Variants in MSRA observed in about 807,000 individuals in gnomAD.
MSRA encodes mitochondrial peptide methionine sulfoxide reductase.
In MSRA, 54 loss-of-function variants were observed where a neutral mutation model predicts 31.3. The ratio of observed to expected loss-of-function variants is 1.73; its 90% CI spans 1.39 to 2.17. MSRA has a LOEUF of 2.17. MSRA is among the 30% of genes most tolerant of loss of function. MSRA has a pLI of 0.00. For synonymous variants in MSRA, 169 were observed against 116.5 expected (o/e 1.45, Z -2.90); for missense variants, 507 against 300.9 (o/e 1.69, Z -5.07).
At chr8:10,239,697 T>G (rs1386867322) in intron 2 of MSRA, among the ~76,000 whole-genome samples, 1 of 152,228 alleles carries the variant, frequency 6.6e-6, no homozygotes, top group East Asian at 1.9e-4. Flanking sequence ...TGTACTGTTT[T>G]GGGGACTAGG....
chr8:10,144,173 C>T (rs1234775685), intron 1 of MSRA, among the ~76,000 whole-genome samples: 2 of 152,056 alleles, frequency 1.3e-5, no homozygotes, highest in East Asian at 3.9e-4. Flanking sequence ...GCGGTGAAGT[C>T]TCGTGGTGCC....
chr8:10,198,617 G>C (rs1189586053), intron 1 of MSRA, among the ~76,000 whole-genome samples: 1 of 152,096 alleles, frequency 6.6e-6, no homozygotes, highest in Non-Finnish European at 1.5e-5. Context: ...AAATGCTTTT[G>C]ACATTCTTGG....
intron 1 of MSRA, among the ~76,000 whole-genome samples, chr8:10,119,131 A>C (rs901022326): frequency 1.3e-5 from 2 of 152,184 alleles, no homozygotes; most frequent in Non-Finnish European, 2.9e-5. Flanking sequence ...GCCTTCTCAT[A>C]GTTCATAGCT....
intron 2 of MSRA, among the ~76,000 whole-genome samples, chr8:10,211,902 A>G (rs1468797146): frequency 6.6e-6 from 1 of 152,164 alleles, no homozygotes; most frequent in East Asian, 1.9e-4. Context: ...AAAATACTCC[A>G]TAGTCAAGAA....
intron 3 of MSRA, among the ~76,000 whole-genome samples, chr8:10,264,587 C>T (rs966073289): frequency 1.1e-4 from 16 of 152,106 alleles, no homozygotes; most frequent in Admixed American, 9.2e-4. Context: ...AGCTGGCTGT[C>T]GGGAAGGGCT....
chr8:10,364,982 C>A (rs141315574), intron 5 of MSRA, among the ~76,000 whole-genome samples: 1 of 152,102 alleles, frequency 6.6e-6, no homozygotes, highest in Non-Finnish European at 1.5e-5. Flanking sequence ...TTGCACCTCT[C>A]GCTTATATAA....
intron 5 of MSRA, among the ~76,000 whole-genome samples, chr8:10,403,878 G>A (rs1051560471): frequency 8.5e-5 from 13 of 152,190 alleles, no homozygotes; most frequent in Non-Finnish European, 1.6e-4. Context: ...CTGGTGCACA[G>A]GGATGAGACC....
intron 1 of MSRA, among the ~76,000 whole-genome samples, chr8:10,158,849 G>A (rs988942940): frequency 2.0e-5 from 3 of 152,170 alleles, no homozygotes; most frequent in South Asian, 2.1e-4. Context: ...AGTCCCACCT[G>A]CAGAGGATTC....
intron 3 of MSRA, among the ~76,000 whole-genome samples, chr8:10,282,542 T>A (rs1799676399): frequency 6.6e-6 from 1 of 152,174 alleles, no homozygotes; most frequent in Non-Finnish European, 1.5e-5. Flanking sequence ...TCCAGCCCTA[T>A]TATCTCTGTA....
chr8:10,062,942 A>G (rs1279267764), intron 1 of MSRA, among the ~76,000 whole-genome samples: 1 of 152,162 alleles, frequency 6.6e-6, no homozygotes, highest in Admixed American at 6.5e-5. Flanking sequence ...AAGAGGTAAG[A>G]AGTCAGAAGG....
chr8:10,242,825 C>G (rs1464975900), intron 2 of MSRA, among the ~76,000 whole-genome samples: 2 of 152,078 alleles, frequency 1.3e-5, no homozygotes, highest in African/African-American at 2.4e-5. Context: ...GGAGTTTTAT[C>G]CTCCTAACAA....
chr8:10,203,033 G>A (rs1487001483), intron 1 of MSRA, among the ~76,000 whole-genome samples: 1 of 151,942 alleles, frequency 6.6e-6, no homozygotes, highest in Admixed American at 6.6e-5. Flanking sequence ...CAGGACTGAT[G>A]TAAGACTCAG....
At chr8:10,418,914 C>G (rs184009952) in intron 5 of MSRA, among the ~76,000 whole-genome samples, 27 of 150,046 alleles carry the variant, frequency 1.8e-4, no homozygotes, top group African/African-American at 6.6e-4. Flanking sequence ...GCCATGATCA[C>G]GCCACTGCAC....
At chr8:10,114,717 G>T (rs758671331) in intron 1 of MSRA, among the ~76,000 whole-genome samples, 1 of 152,118 alleles carries the variant, frequency 6.6e-6, no homozygotes, top group Admixed American at 6.5e-5. Context: ...AAATTTGCAG[G>T]ACCAAGGAAA....
intron 1 of MSRA, among the ~76,000 whole-genome samples, chr8:10,089,296 C>A (rs972724111): frequency 7.2e-5 from 11 of 152,144 alleles, no homozygotes; most frequent in Non-Finnish European, 1.6e-4. Context: ...AAGAACAAAG[C>A]CTTAAAAGAA....
chr8:10,350,731 C>G (rs1401885734), intron 5 of MSRA, among the ~76,000 whole-genome samples: 1 of 152,224 alleles, frequency 6.6e-6, no homozygotes, highest in East Asian at 1.9e-4. Context: ...GCCGGCAACC[C>G]TTGATGGTGG....
At chr8:10,164,248 T>C (rs1327247869) in intron 1 of MSRA, among the ~76,000 whole-genome samples, 2 of 152,250 alleles carry the variant, frequency 1.3e-5, no homozygotes, top group Non-Finnish European at 2.9e-5. Flanking sequence ...CCTAGTCTTA[T>C]CTGTCCTGAC....
At chr8:10,138,502 A>G (rs1333349548) in intron 1 of MSRA, among the ~76,000 whole-genome samples, 1 of 152,218 alleles carries the variant, frequency 6.6e-6, no homozygotes, top group Non-Finnish European at 1.5e-5. Flanking sequence ...AGGATAAGAA[A>G]TAAGACGGCT....
intron 3 of MSRA, among the ~76,000 whole-genome samples, chr8:10,280,357 T>C (rs1799554983): frequency 1.2e-5 from 1 of 80,892 alleles, no homozygotes; most frequent in South Asian, 4.5e-4. Flanking sequence ...TTTTGCTCCT[T>C]TCTAATAATT....
Sources: gnomAD v4.1 joint callset for allele counts (sites outside exome capture counted in the v4.1 genomes callset) on GRCh38, gnomAD v4.1.1 for gene constraint, MANE v1.5 for transcripts, NCBI Gene and HGNC (gene_info 2026-07-23, HGNC 2026-07-21) for gene names.